CASZ1: variants seen among roughly 807,000 people sequenced by gnomAD.
The protein encoded by CASZ1 is castor zinc finger 1.
Under a neutral mutation model 135.2 loss-of-function variants are expected in CASZ1, and 28 were observed. That is an observed-to-expected ratio of 0.21 (90% CI 0.15 to 0.28). CASZ1 has a LOEUF of 0.28. CASZ1 is among the 10% of genes least tolerant of loss of function. The pLI is 1.00. For synonymous variants in CASZ1, 1,068 were observed against 1,073.4 expected, an observed-to-expected ratio of 0.99 and a Z score of 0.10; for missense variants, 2,161 against 2,453.3, an observed-to-expected ratio of 0.88 and a Z score of 2.52.
In CASZ1 at chr1:10,756,837, C is replaced by G. The variant is rs188945841; in HGVS notation, c.-77+3864G>C. ...CCCATCTGCCAGCCCTCACAGCTCA[C>G]CAACGACGCTCTATATGACCCGGCA... On this transcript the variant is annotated intron_variant, in intron 2 of 20. Coordinates refer to ENST00000377022, the MANE Select transcript of CASZ1 (RefSeq NM_001079843.3). This position sits in a 1 kb window ranked among gnomAD's most constrained non-coding sequence, Gnocchi z 5.9. 3.1e-4 allele frequency among the ~76,000 whole-genome samples: 47 copies of G among 152,224 alleles called. No homozygotes were observed. The highest frequency in any genetic ancestry group is 1.1e-3 in the African/African-American group (46 of 41,516).
intron 2 of CASZ1, among the ~76,000 whole-genome samples, chr1:10,730,562 T>C (rs1639685203): frequency 6.6e-6 from 1 of 152,186 alleles, no homozygotes; most frequent in African/African-American, 2.4e-5. Context: ...AAAGAGTGAC[T>C]GACAGACAAA....
chr1:10,673,390 C>A (rs1643468201), intron 4 of CASZ1, among the ~76,000 whole-genome samples: 1 of 151,990 alleles, frequency 6.6e-6, no homozygotes, highest in Non-Finnish European at 1.5e-5. Context: ...TTTTTCGTCC[C>A]CTCTCCCTTC....
At chr1:10,740,399 G>A (rs1318408697) in intron 2 of CASZ1, among the ~76,000 whole-genome samples, 1 of 152,232 alleles carries the variant, frequency 6.6e-6, no homozygotes, top group Non-Finnish European at 1.5e-5. Context: ...ATGGGAGAGT[G>A]AGGTCCTGGG....
chr1:10,742,412 G>A (rs1024983981), intron 2 of CASZ1, among the ~76,000 whole-genome samples: 5 of 152,170 alleles, frequency 3.3e-5, no homozygotes, highest in Non-Finnish European at 7.3e-5. Flanking sequence ...CGCGGGGCTT[G>A]GTGTGTAGCT....
chr1:10,665,194 C>A lies in CASZ1; in HGVS notation c.394G>T (p.Glu132Ter). ...GAGGGCTCCTCCGCGTGGTCTTCCT[C>A]ATCGCTGCACCCCTGGGGCTGCACC... ...YMVQPQGCSD[E>*]EDHAEEPSKD... The change falls in exon 5 of 21, where the codon GAG becomes TAG. Residue 132 changes from glutamate (E) to a stop codon, truncating the protein, a stop_gained. Transcript: ENST00000377022. LOFTEE classifies it high-confidence loss of function. 1 of 1,575,110 alleles carries A rather than the reference C, an allele frequency of 6.3e-7. No individual in the cohort carries two copies. Among genetic ancestry groups the A allele is most frequent in the South Asian group, 1.2e-5 (1 of 85,768 alleles).
rs1640242357 is a variant in CASZ1, at chr1:10,755,785, C to G, written c.-77+4916G>C. On this transcript the variant is annotated intron_variant, in intron 2 of 20. Transcript: ENST00000377022. The surrounding 1 kb of genome is among the most constrained non-coding windows in gnomAD (Gnocchi z 4.3). ...CACATCTCTGCCCAGCCCAAGGCAACCTTGGGGTCTACCCATCCTCTGGAG... is the reference window on the plus strand; with the variant it reads ...CACATCTCTGCCCAGCCCAAGGCAAGCTTGGGGTCTACCCATCCTCTGGAG... Among the ~76,000 whole-genome samples, 1 of 152,130 alleles carries G rather than the reference C, an allele frequency of 6.6e-6. No homozygotes were observed. Among genetic ancestry groups the G allele is most frequent in the South Asian group, 2.1e-4 (1 of 4,816 alleles).
chr1:10,658,626 G>A (rs373343241), intron 6 of CASZ1, 50 bp from the exon 7 acceptor site: 12 of 1,524,624 alleles, frequency 7.9e-6, no homozygotes, highest in East Asian at 4.5e-5. Flanking sequence ...GGGCAGCCTC[G>A]TGTTACAGGG....
intron 2 of CASZ1, among the ~76,000 whole-genome samples, chr1:10,751,385 A>G (rs1299532667): frequency 1.3e-5 from 2 of 152,126 alleles, no homozygotes; most frequent in East Asian, 1.9e-4. Flanking sequence ...CCAGAAGCCG[A>G]CTTCTGGCCC....
At chr1:10,654,927 C>T (rs1487154653) in intron 9 of CASZ1, among the ~76,000 whole-genome samples, 1 of 152,174 alleles carries the variant, frequency 6.6e-6, no homozygotes, top group Non-Finnish European at 1.5e-5. Flanking sequence ...ATCCATGGCC[C>T]TACCTCTAAA....
In CASZ1 at chr1:10,654,448, G is replaced by A. The variant is rs771708434; in HGVS notation, c.1809C>T (p.Tyr603=). ...AGTGGAAGTGCGTGGTCTTCTGTCC[G>A]TAGAACTGGCAGTCGGCTGTGCCAC... ...EDCGTADCQF[Y]GQKTTHFHCR... Residue 603 remains tyrosine, a synonymous_variant, in exon 10 of 21, where the codon TAC becomes TAT. Transcript: ENST00000377022. 54 of 1,614,058 alleles carry A rather than the reference G, an allele frequency of 3.3e-5. No homozygotes were observed. In the Middle Eastern group the frequency reaches 4.9e-4, roughly 15 times the overall value.
intron 1 of CASZ1, among the ~76,000 whole-genome samples, chr1:10,795,712 G>T (rs1260716951): frequency 3.3e-5 from 5 of 152,230 alleles, no homozygotes; most frequent in African/African-American, 1.2e-4. Flanking sequence ...GAGGCAGGGG[G>T]TGGGGTGGGG....
At chr1:10,787,401 A>C (rs1419462627) in intron 1 of CASZ1, among the ~76,000 whole-genome samples, 3 of 152,166 alleles carry the variant, frequency 2.0e-5, no homozygotes, top group African/African-American at 7.2e-5. Context: ...GGCCTGACCC[A>C]TGGTCTCCCC....
Position 10,666,278 on chromosome 1 carries a change from G to GTGTT in CASZ1, c.17-711_17-708dup, listed in dbSNP as rs1643230737. 1.3e-5 allele frequency among the ~76,000 whole-genome samples: 2 copies of GTGTT among 152,138 alleles called. No homozygotes were observed. Among genetic ancestry groups the GTGTT allele is most frequent in the Non-Finnish European group, 2.9e-5 (2 of 68,008 alleles). On this transcript the variant is annotated intron_variant, in intron 4 of 20. Transcript: ENST00000377022. The surrounding 1 kb of genome is among the most constrained non-coding windows in gnomAD (Gnocchi z 5.2). ...ACTCAGGACCCTCCCGAAGGCCTCC[G>GTGTT]TGTTCCTCAGTCTCCTCCCTGCCTC...
At chr1:10,758,413 C>G (rs911433387) in intron 2 of CASZ1, among the ~76,000 whole-genome samples, 13 of 150,834 alleles carry the variant, frequency 8.6e-5, no homozygotes, top group African/African-American at 2.2e-4. Context: ...CTCACTGCAA[C>G]CTCCGCCTCC....
At position 10,755,867 on chromosome 1, in the gene CASZ1, C is replaced by A; in HGVS notation, c.-77+4834G>T. On this transcript the variant is annotated intron_variant, in intron 2 of 20. Coordinates refer to ENST00000377022, the MANE Select transcript of CASZ1 (RefSeq NM_001079843.3). The surrounding 1 kb of genome is among the most constrained non-coding windows in gnomAD (Gnocchi z 4.3). ...CCTGCTCCCACCCCTCTGCACCCCC[C>A]ACCCCAGCTGCAGGCCATGGAGCTG... Among the ~76,000 whole-genome samples the A allele has an allele frequency of 2.0e-5, 3 of 152,158 alleles. No individual in the cohort carries two copies. In the East Asian group the frequency reaches 5.8e-4, roughly 30 times the overall value.
chr1:10,649,915 CT>C (rs1410701736), intron 13 of CASZ1: 2 of 150,478 alleles, frequency 1.3e-5, no homozygotes, highest in Non-Finnish European at 2.9e-5. Context: ...CCCAGACAGG[CT>C]TGCTGCAGCG....
At chr1:10,654,359 G>A in intron 10 of CASZ1, 60 bp downstream of exon 10, 1 of 1,591,678 alleles carries the variant, frequency 6.3e-7, no homozygotes, top group East Asian at 2.2e-5. Context: ...CCACGAGCCT[G>A]GGTCCTTGCC....
intron 4 of CASZ1, among the ~76,000 whole-genome samples, chr1:10,669,966 C>T (rs1643352448): frequency 6.6e-6 from 1 of 152,202 alleles, no homozygotes; most frequent in Non-Finnish European, 1.5e-5. Context: ...TCAGTGGAAA[C>T]GGTGTTCAAG....
intron 1 of CASZ1, among the ~76,000 whole-genome samples, chr1:10,773,220 C>T (rs1045281389): frequency 6.6e-6 from 1 of 152,212 alleles, no homozygotes; most frequent in Non-Finnish European, 1.5e-5. Context: ...GGAAAACCAT[C>T]TGAGGAACCT....
Sources: gnomAD v4.1 joint callset for allele counts (sites outside exome capture counted in the v4.1 genomes callset) on GRCh38, gnomAD v4.1.1 for gene constraint, Gnocchi (gnomAD v3.1) non-coding constraint, MANE v1.5 for transcripts, NCBI Gene and HGNC (gene_info 2026-07-23, HGNC 2026-07-21) for gene names.